Variants in ZNF549 observed in about 807,000 individuals in gnomAD.
ZNF549 encodes zinc finger protein 549.
ZNF549 carries 11 observed loss-of-function variants against 11.1 expected under a neutral mutation model. The observed-to-expected ratio is 0.99, with a 90% CI of 0.62 to 1.64. The LOEUF (loss-of-function observed/expected upper bound fraction) is 1.64. ZNF549 is among the 40% of genes most tolerant of loss of function. ZNF549 has a pLI of 0.00. For synonymous variants in ZNF549, 266 were observed against 269.1 expected (o/e 0.99, Z 0.11); for missense variants, 748 against 765.1 (o/e 0.98, Z 0.26).
In ZNF549 at chr19:57,537,851, T is replaced by C; in HGVS notation, c.847T>C (p.Ser283Pro). Residue 283 changes from serine (S) to proline (P), a missense_variant, in exon 4 of 4, where the codon TCA (serine) becomes CCA (proline). Ser to Pro is a moderately conservative substitution (Grantham distance 74). Coordinates refer to ENST00000376233, the MANE Select transcript of ZNF549 (RefSeq NM_001199295.2). ...TTATGTGTGCAATATATGTGGGAAA[T>C]CATTCCTCCATAAACAAACACTCGT... is the stretch of plus-strand genomic sequence containing the variant. ...KPYVCNICGK[S>P]FLHKQTLVGH... The C allele has an allele frequency of 6.2e-7, 1 of 1,613,708 alleles. No individual in the cohort carries two copies. Among genetic ancestry groups the C allele is most frequent in the Non-Finnish European group, 8.5e-7 (1 of 1,179,860 alleles).
intron 1 of ZNF549, among the ~76,000 whole-genome samples, chr19:57,530,289 C>T (rs2089898619): frequency 6.6e-6 from 1 of 152,152 alleles, no homozygotes; most frequent in Non-Finnish European, 1.5e-5. Context: ...CTAGAAGCTT[C>T]AAGGTTGTGA....
chr19:57,530,332 G>A (rs1267195080), intron 1 of ZNF549, among the ~76,000 whole-genome samples: 1 of 152,158 alleles, frequency 6.6e-6, no homozygotes, highest in Non-Finnish European at 1.5e-5. Context: ...TGACGTAAGA[G>A]AGCGTGGAAG....
intron 1 of ZNF549, among the ~76,000 whole-genome samples, chr19:57,529,310 A>G (rs1050391003): frequency 1.3e-5 from 2 of 152,228 alleles, no homozygotes; most frequent in East Asian, 1.9e-4. Context: ...CCCAACCTAT[A>G]TATACTATGT....
rs1478623772 is a variant in ZNF549 at position 57,537,249 on chromosome 19, CTCTT to C, written c.249_252del (p.Ser84ArgfsTer12). 1.2e-6 allele frequency: 2 copies of C among 1,614,052 alleles called. No homozygotes were observed. The highest frequency in any genetic ancestry group is 2.7e-5 in the African/African-American group (2 of 74,940). On this transcript the variant is annotated frameshift_variant, in exon 4 of 4. Transcript: ENST00000376233. LOFTEE classifies it low-confidence loss of function (END_TRUNC). ...GCTGAGGAGGCCCCTTCTGAGCAGA[CTCTT>C]TCTGCGCAAGGAGTGTCACAGGCCA...
At position 57,540,799 on chromosome 19, in the gene ZNF549, T is replaced by C. The variant is rs1296057722; in HGVS notation, c.*1872T>C. ...ACAAAAAGAACAGATAAGAAATACGTGTGTATATATTCTATTTTGTGTGTT... is the reference window on the plus strand; with the variant it reads ...ACAAAAAGAACAGATAAGAAATACGCGTGTATATATTCTATTTTGTGTGTT... On this transcript the variant is annotated 3_prime_UTR_variant, in exon 4 of 4. Transcript: ENST00000376233. 1.3e-5 allele frequency: 2 copies of C among 151,926 alleles called. No homozygotes were observed. The highest frequency in any genetic ancestry group is 1.3e-4 in the Admixed American group (2 of 15,248). 9.4% of individuals were successfully genotyped at this position (151,926 alleles called of 1,614,324 possible).
At position 57,538,344 on chromosome 19, in the gene ZNF549, G is replaced by A; in HGVS notation, c.1340G>A (p.Cys447Tyr). The stretch of plus-strand genomic sequence containing the variant: ...CATACTGGAGAAAAGCCTTATGTGT[G>A]CATCATATGTGGGAAATCATTTATC... ...RIHTGEKPYVCIICGKSFIRS... is the reference protein window; with the variant it reads ...RIHTGEKPYVYIICGKSFIRS... The change falls in exon 4 of 4, where the codon TGC becomes TAC. Residue 447 changes from cysteine (C) to tyrosine (Y), a missense_variant. Coordinates refer to ENST00000376233, the MANE Select transcript of ZNF549 (RefSeq NM_001199295.2). 1.2e-6 allele frequency: 2 copies of A among 1,614,016 alleles called. No individual in the cohort carries two copies. The highest frequency in any genetic ancestry group is 1.7e-6 in the Non-Finnish European group (2 of 1,180,010).
chr19:57,538,261 C>T lies in ZNF549; in HGVS notation c.1257C>T (p.Cys419=), dbSNP rs1330846361. ...RIHTGERPYE[C]KECGKAFIHK... ...ACACGGGAGAAAGGCCTTATGAGTG[C>T]AAAGAATGTGGGAAGGCCTTCATTC... Residue 419 remains cysteine (C), a synonymous_variant, in exon 4 of 4, where the codon TGC becomes TGT. Transcript: ENST00000376233. 1.9e-6 allele frequency: 3 copies of T among 1,613,700 alleles called. No homozygotes were observed. The Admixed American group carries it at 5.0e-5, about 27-fold the overall frequency.
At chr19:57,535,477 T>A in intron 3 of ZNF549, 1 of 612,956 alleles carries the variant, frequency 1.6e-6, no homozygotes, top group Non-Finnish European at 2.6e-6. Flanking sequence ...TAGTTAAGAG[T>A]TTGGGTTCAG....
rs756653424 is a variant in ZNF549, at chr19:57,537,893, A to G, written c.889A>G (p.Ile297Val). The change falls in exon 4 of 4, where the codon ATT becomes GTT. Residue 297 changes from isoleucine (I) to valine (V), a missense_variant. By Grantham distance (29) the Ile-to-Val change is conservative. Transcript: ENST00000376233. ...KQTLVGHQQR[I>V]HTRERSYVCI... ...AACACTCGTTGGGCACCAGCAGAGA[A>G]TTCACACTAGAGAAAGGTCTTATGT... is the stretch of plus-strand genomic sequence containing the variant. 2.5e-6 allele frequency: 4 copies of G among 1,613,748 alleles called. No homozygotes were observed. Among genetic ancestry groups the G allele is most frequent in the Middle Eastern group, 1.7e-4 (1 of 6,058 alleles).
In ZNF549 at chr19:57,527,551, GGCCCC is replaced by G. The variant is rs750374063; in HGVS notation, c.-14_-10del. The G allele has an allele frequency of 1.9e-6, 3 of 1,613,298 alleles. No homozygotes were observed. In the South Asian group the frequency reaches 3.3e-5, roughly 18 times the overall value. On this transcript the variant is annotated 5_prime_UTR_variant, in exon 1 of 4. Coordinates refer to ENST00000376233, the MANE Select transcript of ZNF549 (RefSeq NM_001199295.2). ...CCGGGCTTTACCGCCCGCCTTTCCA[GGCCCC>G]GCCCCGCCTAAAGTCCCATGGCCGA...
chr19:57,529,456 G>A (rs2089893894), intron 1 of ZNF549, among the ~76,000 whole-genome samples: 1 of 152,192 alleles, frequency 6.6e-6, no homozygotes, highest in South Asian at 2.1e-4. Flanking sequence ...CTGCAGTTGA[G>A]ACAATAAAAA....
chr19:57,535,405 A>T, intron 3 of ZNF549, 135 bp downstream of exon 3: 1 of 1,326,828 alleles, frequency 7.5e-7, no homozygotes, highest in Non-Finnish European at 1.0e-6. Flanking sequence ...TGGAAGACAT[A>T]GGCGTTGTGG....
chr19:57,527,842 A>C (rs2089885637), intron 1 of ZNF549, among the ~76,000 whole-genome samples: 1 of 152,068 alleles, frequency 6.6e-6, no homozygotes, highest in South Asian at 2.1e-4. Flanking sequence ...TTGGGGGCGG[A>C]CCTGTGTCTG....
intron 2 of ZNF549, 123 bp downstream of exon 2, chr19:57,531,231 CA>C: frequency 1.1e-6 from 1 of 923,666 alleles, no homozygotes; most frequent in Non-Finnish European, 1.7e-6. Context: ...TCCCTGGGGC[CA>C]CCTCAGGCCC....
intron 1 of ZNF549, among the ~76,000 whole-genome samples, chr19:57,528,272 CAAAG>C (rs1228044209): frequency 2.6e-5 from 4 of 152,104 alleles, no homozygotes; most frequent in Non-Finnish European, 4.4e-5. Flanking sequence ...GAAGAGTTGA[CAAAG>C]AAATCTGGTG....
chr19:57,528,752 A>G (rs1386715256), intron 1 of ZNF549, among the ~76,000 whole-genome samples: 2 of 152,252 alleles, frequency 1.3e-5, no homozygotes, highest in Non-Finnish European at 2.9e-5. Flanking sequence ...GCCCAAGCCC[A>G]GCAAGAGCAG....
chr19:57,537,593 C>T lies in ZNF549; in HGVS notation c.589C>T (p.Leu197Phe), dbSNP rs2089931493. ...VEKDFPTILG[L>F]LQHQTTHSRQ... ...GAAGGATTTTCCAACCATCCTGGGC[C>T]TTCTCCAACACCAGACCACCCACAG... Residue 197 changes from leucine (L) to phenylalanine (F), a missense_variant, in exon 4 of 4, where the codon CTT (leucine) becomes TTT (phenylalanine). Transcript: ENST00000376233. 6.2e-7 allele frequency: 1 copy of T among 1,614,046 alleles called. No individual in the cohort carries two copies. Among genetic ancestry groups the T allele is most frequent in the Admixed American group, 1.7e-5 (1 of 60,000 alleles).
At chr19:57,533,052 C>G (rs1169857590) in intron 2 of ZNF549, among the ~76,000 whole-genome samples, 1 of 152,210 alleles carries the variant, frequency 6.6e-6, no homozygotes, top group Non-Finnish European at 1.5e-5. Context: ...TGCACATTGG[C>G]CAGGCTGATC....
chr19:57,531,004 G>T, intron 1 of ZNF549, 66 bp from the exon 2 acceptor site: 1 of 1,525,012 alleles, frequency 6.6e-7, no homozygotes, highest in South Asian at 1.1e-5. Flanking sequence ...CAGTTGGCAA[G>T]AGCAACTTAC....
Sources: allele counts gnomAD v4.1 joint callset (sites outside exome capture counted in the v4.1 genomes callset), GRCh38; gene constraint gnomAD v4.1.1; transcripts MANE v1.5; gene names NCBI Gene and HGNC (gene_info 2026-07-23, HGNC 2026-07-21).